Variants in FAF1 observed in about 807,000 individuals in gnomAD.
FAF1 encodes Fas associated factor 1.
FAF1 carries 25 observed loss-of-function variants against 92.5 expected under a neutral mutation model. The ratio of observed to expected loss-of-function variants is 0.27; its 90% CI spans 0.20 to 0.38. The LOEUF (loss-of-function observed/expected upper bound fraction) is 0.38. Among genes scored for constraint, FAF1 ranks in the 10% least tolerant of loss-of-function variants. FAF1 has a pLI of 1.00. For synonymous variants in FAF1, 234 were observed against 273.2 expected (o/e 0.86, Z 1.42); for missense variants, 636 against 793.3 (o/e 0.80, Z 2.38).
chr1:50,922,910 A>G (rs1314924896), intron 1 of FAF1, among the ~76,000 whole-genome samples: 1 of 152,024 alleles, frequency 6.6e-6, no homozygotes, highest in African/African-American at 2.4e-5. Flanking sequence ...GAGACTAACA[A>G]AAGAAATTCA....
At chr1:50,637,009 G>C (rs1189354211) in intron 8 of FAF1, among the ~76,000 whole-genome samples, 1 of 151,952 alleles carries the variant, frequency 6.6e-6, no homozygotes, top group African/African-American at 2.4e-5. Context: ...ACATACATAT[G>C]GATCTATTCC....
chr1:50,636,434 T>C (rs1193574498), intron 8 of FAF1, among the ~76,000 whole-genome samples: 1 of 146,066 alleles, frequency 6.8e-6, no homozygotes, highest in Non-Finnish European at 1.5e-5. Flanking sequence ...CATCCTGGCT[T>C]GAGTATAGTG....
intron 18 of FAF1, among the ~76,000 whole-genome samples, chr1:50,466,161 T>C (rs1572761338): frequency 6.6e-6 from 1 of 152,150 alleles, no homozygotes. Context: ...TCGGCTAGGG[T>C]TCAGTTGTAG....
chr1:50,734,328 G>A (rs991350745), intron 6 of FAF1, among the ~76,000 whole-genome samples: 1 of 152,136 alleles, frequency 6.6e-6, no homozygotes, highest in Non-Finnish European at 1.5e-5. Flanking sequence ...TACCAAAAAT[G>A]ATTTTAACAA....
chr1:50,499,454 G>T (rs943987876), intron 15 of FAF1, among the ~76,000 whole-genome samples: 1 of 150,542 alleles, frequency 6.6e-6, no homozygotes, highest in East Asian at 2.0e-4. Flanking sequence ...TTCTTATCAG[G>T]AATAAATTAG....
At chr1:50,612,176 G>A (rs544383926) in intron 8 of FAF1, among the ~76,000 whole-genome samples, 2 of 152,202 alleles carry the variant, frequency 1.3e-5, no homozygotes, top group South Asian at 2.1e-4. Context: ...CATTTAGATA[G>A]TCACATTAAC....
chr1:50,462,581 TG>T (rs1380235745), intron 18 of FAF1, among the ~76,000 whole-genome samples: 2 of 152,176 alleles, frequency 1.3e-5, no homozygotes, highest in African/African-American at 4.8e-5. Flanking sequence ...CTAGGCAGTG[TG>T]GGAAAGTGGC....
chr1:50,618,293 C>T (rs1236533941), intron 8 of FAF1, among the ~76,000 whole-genome samples: 1 of 151,922 alleles, frequency 6.6e-6, no homozygotes, highest in Non-Finnish European at 1.5e-5. Flanking sequence ...ATAAACTTTC[C>T]TCTTAACACT....
intron 7 of FAF1, among the ~76,000 whole-genome samples, chr1:50,670,959 G>T (rs1445855611): frequency 6.6e-6 from 1 of 151,674 alleles, no homozygotes; most frequent in South Asian, 2.1e-4. Flanking sequence ...AGCTTGATAA[G>T]TATCAATAGA....
At chr1:50,787,719 G>T (rs1047198884) in intron 4 of FAF1, among the ~76,000 whole-genome samples, 1 of 152,070 alleles carries the variant, frequency 6.6e-6, no homozygotes, top group African/African-American at 2.4e-5. Context: ...CTTGATTAGG[G>T]TATTTTTTTA....
At chr1:50,544,683 A>T (rs575892469) in intron 13 of FAF1, among the ~76,000 whole-genome samples, 1 of 152,322 alleles carries the variant, frequency 6.6e-6, no homozygotes, top group African/African-American at 2.4e-5. Flanking sequence ...GATCTGAAAA[A>T]AATACTAATA....
chr1:50,885,340 T>TCCCC (rs1644651974), intron 1 of FAF1, among the ~76,000 whole-genome samples: 1 of 132,416 alleles, frequency 7.6e-6, no homozygotes, highest in Non-Finnish European at 1.6e-5. Context: ...TCTCTCTCTC[T>TCCCC]CTCAATATTT....
chr1:50,596,259 A>G, intron 8 of FAF1, 43 bp from the exon 9 acceptor site: 1 of 1,384,720 alleles, frequency 7.2e-7, no homozygotes, highest in Non-Finnish European at 1.0e-6. Flanking sequence ...AAATACGGCC[A>G]TGTTTCACAA....
At chr1:50,807,698 T>G (rs1433523151) in intron 2 of FAF1, among the ~76,000 whole-genome samples, 1 of 151,992 alleles carries the variant, frequency 6.6e-6, no homozygotes, top group Non-Finnish European at 1.5e-5. Flanking sequence ...TTCTCCAAAA[T>G]AATTCAGTCA....
intron 1 of FAF1, among the ~76,000 whole-genome samples, chr1:50,939,018 C>A (rs1269196617): frequency 1.3e-5 from 2 of 152,106 alleles, no homozygotes; most frequent in Admixed American, 1.3e-4. Flanking sequence ...CCACTTTGTT[C>A]TTTTTGCTTA....
intron 18 of FAF1, among the ~76,000 whole-genome samples, chr1:50,472,461 G>C (rs1462850110): frequency 6.7e-6 from 1 of 148,216 alleles, no homozygotes; most frequent in African/African-American, 2.5e-5. Context: ...TCCACAACTT[G>C]AATCAGTTTT....
intron 1 of FAF1, among the ~76,000 whole-genome samples, chr1:50,889,815 G>A (rs575491888): frequency 6.6e-6 from 1 of 152,348 alleles, no homozygotes; most frequent in South Asian, 2.1e-4. Context: ...TAAGTGTGAT[G>A]TGGTGCTGAG....
At chr1:50,633,310 T>C (rs1481352313) in intron 8 of FAF1, among the ~76,000 whole-genome samples, 1 of 152,192 alleles carries the variant, frequency 6.6e-6, no homozygotes, top group Non-Finnish European at 1.5e-5. Flanking sequence ...TTCTTTAAAG[T>C]TTTATTCGTA....
intron 1 of FAF1, among the ~76,000 whole-genome samples, chr1:50,940,308 G>A (rs976913109): frequency 1.3e-5 from 2 of 152,212 alleles, no homozygotes; most frequent in Non-Finnish European, 2.9e-5. Context: ...AGCATTGGCA[G>A]AGTATTTTTA....
Sources: allele counts gnomAD v4.1 joint callset (sites outside exome capture counted in the v4.1 genomes callset), GRCh38; gene constraint gnomAD v4.1.1; transcripts MANE v1.5; gene names NCBI Gene and HGNC (gene_info 2026-07-23, HGNC 2026-07-21).